Variants in GPC5 observed in about 807,000 individuals in gnomAD.
GPC5 encodes the protein glypican-5.
GPC5 carries 47 observed loss-of-function variants against 53.9 expected under a neutral mutation model. The ratio of observed to expected loss-of-function variants is 0.87; its 90% CI spans 0.69 to 1.11. The LOEUF is 1.11. Ranked by LOEUF, GPC5 falls within the 50% of genes most tolerant of loss-of-function variation. The pLI, the probability that GPC5 is intolerant of heterozygous loss-of-function variation, is 0.00. For missense variants in GPC5, 748 were observed against 713.1 expected, an observed-to-expected ratio of 1.05 and a Z score of -0.56; for synonymous variants, 286 against 263.3, an observed-to-expected ratio of 1.09 and a Z score of -0.84.
At chr13:91,652,984 C>G (rs984706534) in intron 2 of GPC5, among the ~76,000 whole-genome samples, 4 of 152,164 alleles carry the variant, frequency 2.6e-5, no homozygotes, top group African/African-American at 9.7e-5. Flanking sequence ...AACGTATAAC[C>G]TGCTGACACT....
chr13:91,416,847 A>G (rs1878269410), intron 1 of GPC5, among the ~76,000 whole-genome samples: 1 of 152,170 alleles, frequency 6.6e-6, no homozygotes, highest in Non-Finnish European at 1.5e-5. Context: ...AATCCAGTCT[A>G]TCATTGATGG....
intron 7 of GPC5, among the ~76,000 whole-genome samples, chr13:92,584,882 G>A (rs1174578738): frequency 1.3e-5 from 2 of 152,156 alleles, no homozygotes; most frequent in Admixed American, 1.3e-4. Context: ...GAAGCCCGAA[G>A]CCTTGGCAGC....
intron 7 of GPC5, among the ~76,000 whole-genome samples, chr13:92,490,967 G>T (rs772422838): frequency 2.8e-4 from 43 of 152,046 alleles, no homozygotes; most frequent in Non-Finnish European, 5.6e-4. Flanking sequence ...CATGCAGGGG[G>T]TACAGAATGA....
At chr13:92,754,776 C>T (rs1874781408) in intron 7 of GPC5, among the ~76,000 whole-genome samples, 1 of 151,152 alleles carries the variant, frequency 6.6e-6, no homozygotes, top group Non-Finnish European at 1.5e-5. Context: ...ACAAGAAGAG[C>T]TAACTATCCT....
intron 7 of GPC5, among the ~76,000 whole-genome samples, chr13:92,662,595 A>G (rs964766478): frequency 6.6e-6 from 1 of 152,160 alleles, no homozygotes; most frequent in African/African-American, 2.4e-5. Flanking sequence ...TTGAGTGCCT[A>G]CATGATTTTT....
At chr13:91,579,567 C>G (rs2032269568) in intron 2 of GPC5, among the ~76,000 whole-genome samples, 1 of 151,724 alleles carries the variant, frequency 6.6e-6, no homozygotes, top group East Asian at 1.9e-4. Flanking sequence ...GTTCTTACTC[C>G]TTAAGCTCTT....
At chr13:91,907,299 C>T (rs2039563222) in intron 5 of GPC5, among the ~76,000 whole-genome samples, 1 of 147,922 alleles carries the variant, frequency 6.8e-6, no homozygotes, top group Non-Finnish European at 1.5e-5. Context: ...ATTAATAAAA[C>T]TATTTTTATC....
At chr13:91,772,822 G>C (rs1046890760) in intron 5 of GPC5, among the ~76,000 whole-genome samples, 15 of 151,980 alleles carry the variant, frequency 9.9e-5, no homozygotes, top group Admixed American at 9.8e-4. Context: ...CTGAGAGTAG[G>C]GTCCCAGATT....
At chr13:92,570,641 T>C (rs1882994599) in intron 7 of GPC5, among the ~76,000 whole-genome samples, 1 of 152,270 alleles carries the variant, frequency 6.6e-6, no homozygotes, top group South Asian at 2.1e-4. Context: ...TATTGTGATA[T>C]GTTTATATGT....
intron 7 of GPC5, among the ~76,000 whole-genome samples, chr13:92,697,602 G>A (rs567481365): frequency 1.5e-4 from 23 of 152,262 alleles, no homozygotes; most frequent in Admixed American, 1.0e-3. Context: ...GGGCTGAGAC[G>A]AAAGGGTTTT....
At chr13:91,448,708 T>A in intron 1 of GPC5, 53 bp from the exon 2 acceptor site, 1 of 1,574,738 alleles carries the variant, frequency 6.4e-7, no homozygotes, top group Non-Finnish European at 8.7e-7. Flanking sequence ...ATATAATATG[T>A]AATACTTGTT....
In GPC5 at chr13:92,260,059, T is replaced by A. The variant is rs143816251; in HGVS notation, c.1561+115070T>A. Among the ~76,000 whole-genome samples, 5 of 152,296 alleles carry A rather than the reference T, an allele frequency of 3.3e-5. No individual in the cohort carries two copies. The East Asian group carries it at 9.7e-4, about 29-fold the overall frequency. On this transcript the variant is annotated intron_variant, in intron 7 of 7. Transcript: ENST00000377067. Reference sequence around the variant, plus strand: ...CAACTAAACTGCTTATTCCTCTCTGTTTCATACATAAGTCAAGCCTCTCTA... The same window carrying A: ...CAACTAAACTGCTTATTCCTCTCTGATTCATACATAAGTCAAGCCTCTCTA...
intron 7 of GPC5, among the ~76,000 whole-genome samples, chr13:92,821,951 T>C (rs1877688728): frequency 6.6e-6 from 1 of 152,074 alleles, no homozygotes; most frequent in East Asian, 1.9e-4. Context: ...GGGAATAAAC[T>C]GAGATTTATG....
chr13:92,258,644 A>T (rs1276881011), intron 7 of GPC5, among the ~76,000 whole-genome samples: 3 of 152,186 alleles, frequency 2.0e-5, no homozygotes, highest in Non-Finnish European at 4.4e-5. Context: ...GTTCAATCTT[A>T]AAAAAATGTC....
intron 6 of GPC5, among the ~76,000 whole-genome samples, chr13:92,139,680 A>AAAAAAAAAAAAAAAAAAGTG: frequency 7.1e-6 from 1 of 140,806 alleles, no homozygotes; most frequent in South Asian, 2.2e-4. Flanking sequence ...AAAAAAAAAA[A>AAAAAAAAAAAAAAAAAAGTG]AAAAAGTGTT....
chr13:92,673,694 C>G (rs934488151), intron 7 of GPC5, among the ~76,000 whole-genome samples: 2 of 152,146 alleles, frequency 1.3e-5, no homozygotes, highest in African/African-American at 4.8e-5. Flanking sequence ...TATCATTCCA[C>G]AGTAGATAAA....
At chr13:92,125,795 T>C (rs900460202) in intron 6 of GPC5, among the ~76,000 whole-genome samples, 6 of 152,128 alleles carry the variant, frequency 3.9e-5, no homozygotes, top group Non-Finnish European at 7.4e-5. Context: ...CAAAGTAGTA[T>C]CATGTGAAAA....
At chr13:91,874,460 CATGTATATGTCT>C (rs1205361889) in intron 5 of GPC5, among the ~76,000 whole-genome samples, 3 of 151,978 alleles carry the variant, frequency 2.0e-5, no homozygotes, top group South Asian at 2.1e-4. Flanking sequence ...TTCCATAATT[CATGTATATGTCT>C]ATGTATATGT....
At chr13:91,768,391 A>C (rs937930238) in intron 5 of GPC5, among the ~76,000 whole-genome samples, 2 of 152,162 alleles carry the variant, frequency 1.3e-5, no homozygotes, top group African/African-American at 4.8e-5. Flanking sequence ...CATTAATGCC[A>C]CATTTTGGCT....
Sources: allele counts gnomAD v4.1 joint callset (sites outside exome capture counted in the v4.1 genomes callset), GRCh38; gene constraint gnomAD v4.1.1; transcripts MANE v1.5; gene names NCBI Gene and HGNC (gene_info 2026-07-23, HGNC 2026-07-21).